DNAJC3: variants seen among roughly 807,000 people sequenced by gnomAD.
DNAJC3 encodes DnaJ heat shock protein family (Hsp40) member C3.
A neutral mutation model predicts 68.6 loss-of-function variants in DNAJC3; 38 were observed. The observed-to-expected ratio is 0.55, with a 90% CI of 0.43 to 0.73. The LOEUF is 0.73. Ranked by LOEUF, DNAJC3 falls within the 30% of genes least tolerant of loss-of-function variation. The pLI, the probability that DNAJC3 is intolerant of heterozygous loss-of-function variation, is 0.00. For missense variants in DNAJC3, 526 were observed against 591.9 expected (o/e 0.89, Z 1.16); for synonymous variants, 203 against 204.0 (o/e 1.00, Z 0.04).
chr13:95,787,162 T>A lies in DNAJC3; in HGVS notation c.1357+7T>A, dbSNP rs925281679. On this transcript the variant is annotated splice_region_variant and intron_variant, in intron 11 of 11. Transcript: ENST00000602402. ...GAAGTCCTCTCTGATCCAGGTATTATTAGCTTTTATTCCTTTGACTCATCC... is the reference window on the plus strand; with the variant it reads ...GAAGTCCTCTCTGATCCAGGTATTAATAGCTTTTATTCCTTTGACTCATCC... 1 of 1,607,830 alleles carries A rather than the reference T, an allele frequency of 6.2e-7. No homozygotes were observed. Among genetic ancestry groups the A allele is most frequent in the African/African-American group, 1.3e-5 (1 of 74,242 alleles).
At chr13:95,767,107 G>T (rs910031940) in intron 9 of DNAJC3, among the ~76,000 whole-genome samples, 1 of 152,184 alleles carries the variant, frequency 6.6e-6, no homozygotes, top group South Asian at 2.1e-4. Flanking sequence ...TGCTCACATT[G>T]CTGTGAAAAA....
chr13:95,701,800 A>G (rs1880592786), intron 1 of DNAJC3, among the ~76,000 whole-genome samples: 1 of 152,222 alleles, frequency 6.6e-6, no homozygotes, highest in South Asian at 2.1e-4. Flanking sequence ...ATTTAATTTT[A>G]ACTGTGTTAG....
At chr13:95,766,802 G>A (rs1230068572) in intron 9 of DNAJC3, among the ~76,000 whole-genome samples, 1 of 151,784 alleles carries the variant, frequency 6.6e-6, no homozygotes, top group African/African-American at 2.4e-5. Flanking sequence ...CCCGGTTCAA[G>A]CAATTCTCCT....
chr13:95,680,799 T>G (rs921743925), intron 1 of DNAJC3, among the ~76,000 whole-genome samples: 1 of 152,214 alleles, frequency 6.6e-6, no homozygotes, highest in African/African-American at 2.4e-5. Flanking sequence ...TCTCTTTTGA[T>G]TAGTGTCCTG....
At chr13:95,682,714 G>A (rs897459429) in intron 1 of DNAJC3, among the ~76,000 whole-genome samples, 5 of 152,052 alleles carry the variant, frequency 3.3e-5, no homozygotes, top group African/African-American at 1.2e-4. Flanking sequence ...ATGTGGCAAA[G>A]GAATAAAAAT....
At chr13:95,705,927 A>T (rs1273739635) in intron 1 of DNAJC3, among the ~76,000 whole-genome samples, 2 of 152,188 alleles carry the variant, frequency 1.3e-5, no homozygotes, top group Non-Finnish European at 2.9e-5. Flanking sequence ...TAGGTAACAC[A>T]TGATAAATCC....
At chr13:95,762,263 T>TAAA (rs59576762) in intron 7 of DNAJC3, among the ~76,000 whole-genome samples, 3 of 151,744 alleles carry the variant, frequency 2.0e-5, no homozygotes, top group African/African-American at 7.3e-5. Flanking sequence ...ACTCCGTCTC[T>TAAA]AAAAAAAATG....
intron 4 of DNAJC3, among the ~76,000 whole-genome samples, chr13:95,746,082 A>G (rs1235754806): frequency 2.6e-5 from 4 of 152,208 alleles, no homozygotes; most frequent in African/African-American, 9.7e-5. Flanking sequence ...AGTAGGTTTT[A>G]GATTCCAGGG....
In DNAJC3 at chr13:95,692,119, GGGGAGA is replaced by G. The variant is rs370295448; in HGVS notation, c.82+14805_82+14810del. On this transcript the variant is annotated intron_variant, in intron 1 of 11. Transcript: ENST00000602402. ...GGAAAGAGAGGGAGAGGGAGACTGT[GGGGAGA>G]GGGAGAGGGAGAGGGAGAGGGACAA... Among the ~76,000 whole-genome samples the G allele has an allele frequency of 3.0e-3, 438 of 146,962 alleles. 3 individuals carry two copies. The highest frequency in any genetic ancestry group is 9.7e-3 in the East Asian group (50 of 5,148).
intron 1 of DNAJC3, chr13:95,693,183 A>G (rs1211081155): frequency 6.6e-6 from 1 of 152,224 alleles, no homozygotes; most frequent in Non-Finnish European, 1.5e-5. Context: ...CACAACCTCA[A>G]CGATGAACAA....
chr13:95,756,937 T>C (rs1451463669), intron 4 of DNAJC3, among the ~76,000 whole-genome samples: 1 of 152,136 alleles, frequency 6.6e-6, no homozygotes, highest in Non-Finnish European at 1.5e-5. Context: ...GGTCTAAAAC[T>C]GTGGTGATGG....
At chr13:95,697,780 C>G (rs1880484320) in intron 1 of DNAJC3, among the ~76,000 whole-genome samples, 1 of 138,972 alleles carries the variant, frequency 7.2e-6, no homozygotes, top group Non-Finnish European at 1.5e-5. Context: ...GACCAGCCTT[C>G]AAGAAGTTTT....
At chr13:95,690,564 G>T (rs76607142) in intron 1 of DNAJC3, among the ~76,000 whole-genome samples, 1 of 150,326 alleles carries the variant, frequency 6.7e-6, no homozygotes, top group East Asian at 2.0e-4. Context: ...AGGGGCGGCC[G>T]GGCAGAGGCG....
At chr13:95,758,973 A>G (rs1195549513) in intron 5 of DNAJC3, among the ~76,000 whole-genome samples, 6 of 152,214 alleles carry the variant, frequency 3.9e-5, no homozygotes, top group African/African-American at 4.8e-5. Flanking sequence ...ACATTTTTAC[A>G]TTCCCATAGA....
chr13:95,762,750 C>T (rs1026769477), intron 7 of DNAJC3, among the ~76,000 whole-genome samples: 2 of 152,150 alleles, frequency 1.3e-5, no homozygotes, highest in Non-Finnish European at 2.9e-5. Context: ...GCTATTTGTC[C>T]TGATGCTCTC....
chr13:95,687,374 C>T (rs555621802), intron 1 of DNAJC3, among the ~76,000 whole-genome samples: 1 of 152,240 alleles, frequency 6.6e-6, no homozygotes, highest in Non-Finnish European at 1.5e-5. Context: ...CTTTTTCTTG[C>T]CTGATAACTT....
chr13:95,755,342 T>A (rs1276939735), intron 4 of DNAJC3, among the ~76,000 whole-genome samples: 2 of 152,014 alleles, frequency 1.3e-5, no homozygotes, highest in African/African-American at 2.4e-5. Flanking sequence ...TTGCAGCTAC[T>A]TGGGAGGCTG....
At chr13:95,679,199 C>CTTTTTTTTTTTTTTTTTTTTTTTTTTTT (rs3086610) in intron 1 of DNAJC3, among the ~76,000 whole-genome samples, 2 of 108,414 alleles carry the variant, frequency 1.8e-5, no homozygotes, top group Non-Finnish European at 3.5e-5. Flanking sequence ...AAAATCAGCA[C>CTTTTTTTTTTTTTTTTTTTTTTTTTTTT]TTTTTTTTTT....
intron 9 of DNAJC3, among the ~76,000 whole-genome samples, chr13:95,765,967 A>G (rs1046628656): frequency 2.6e-5 from 4 of 152,116 alleles, no homozygotes; most frequent in Non-Finnish European, 4.4e-5. Flanking sequence ...TTTGCAAAAG[A>G]AAGAAAGAAA....
Sources: gnomAD v4.1 joint callset for allele counts (sites outside exome capture counted in the v4.1 genomes callset) on GRCh38, gnomAD v4.1.1 for gene constraint, MANE v1.5 for transcripts, NCBI Gene and HGNC (gene_info 2026-07-23, HGNC 2026-07-21) for gene names.